Variants in ZNF454 observed in about 807,000 individuals in gnomAD.
ZNF454 encodes zinc finger protein 454.
A neutral mutation model predicts 48.2 loss-of-function variants in ZNF454; 30 were observed. That is an observed-to-expected ratio of 0.62 (90% CI 0.47 to 0.84). ZNF454 has a LOEUF of 0.84. ZNF454 is among the 40% of genes least tolerant of loss of function. The probability of loss-of-function intolerance (pLI) is 0.00; values close to 1 mark genes in which losing one functional copy is unlikely to be tolerated. For synonymous variants in ZNF454, 204 were observed against 211.4 expected, an observed-to-expected ratio of 0.97 and a Z score of 0.30; for missense variants, 510 against 623.1, an observed-to-expected ratio of 0.82 and a Z score of 1.93.
the ZNF454 span, chr5:178,981,890 C>G: frequency 1.7e-6 from 2 of 1,210,542 alleles, no homozygotes; most frequent in Non-Finnish European, 2.5e-6. The surrounding 1 kb of genome is among the most constrained non-coding windows in gnomAD (Gnocchi z 5.1). Flanking sequence ...TGGGACTCAG[C>G]CCTGCTCTCC....
intron 4 of ZNF454, among the ~76,000 whole-genome samples, chr5:178,952,751 C>T (rs201286090): frequency 6.6e-6 from 1 of 151,326 alleles, no homozygotes; most frequent in Non-Finnish European, 1.5e-5. Context: ...TTACCTTTTT[C>T]TTTTTTTTCT....
the ZNF454 span, chr5:178,981,771 G>C: frequency 6.2e-7 from 1 of 1,613,016 alleles, no homozygotes; most frequent in East Asian, 2.2e-5. The surrounding 1 kb of genome is among the most constrained non-coding windows in gnomAD (Gnocchi z 5.1). Flanking sequence ...GGATGACGTA[G>C]GTTTTGGGTA....
the ZNF454 span, chr5:178,983,664 C>A: frequency 2.8e-6 from 1 of 359,444 alleles, no homozygotes; most frequent in South Asian, 2.1e-5. Flanking sequence ...AAAATCAGGG[C>A]ACGCCACAGG....
Position 178,946,790 on chromosome 5 carries a change from C to A in ZNF454, c.161-107C>A. On this transcript the variant is annotated intron_variant, in intron 3 of 4. Transcript: ENST00000519564. This position sits in a 1 kb window ranked among gnomAD's most constrained non-coding sequence, Gnocchi z 4.5. Reference sequence around the variant, plus strand: ...CACACCTGACCCTGGGCTTTCCTATCAAGTCCCATTTCCCAGCAAGCTCTG... The same window carrying A: ...CACACCTGACCCTGGGCTTTCCTATAAAGTCCCATTTCCCAGCAAGCTCTG... 1 of 1,052,396 alleles carries A rather than the reference C, an allele frequency of 9.5e-7. No homozygotes were observed. Among genetic ancestry groups the A allele is most frequent in the South Asian group, 1.5e-5 (1 of 67,632 alleles). 65.2% of individuals were successfully genotyped at this position (1,052,396 alleles called of 1,614,324 possible).
chr5:178,941,293 G>T lies in ZNF454; in HGVS notation c.-259G>T, dbSNP rs1021478770. 9.3e-6 allele frequency: 4 copies of T among 430,642 alleles called. No homozygotes were observed. 26.7% of individuals were successfully genotyped at this position (430,642 alleles called of 1,614,324 possible). On this transcript the variant is annotated 5_prime_UTR_variant, in exon 1 of 5. Coordinates refer to ENST00000519564, the MANE Select transcript of ZNF454 (RefSeq NM_001178089.3). This position sits in a 1 kb window ranked among gnomAD's most constrained non-coding sequence, Gnocchi z 5.5. The stretch of plus-strand genomic sequence containing the variant: ...GCAGAGGCTCCTCGAAGAGCGACAC[G>T]GGGCTGACCAGGCACGGTGGTCAAA...
At position 178,965,819 on chromosome 5, in the gene ZNF454, T is replaced by C. The variant is rs1029367930; in HGVS notation, c.1415T>C (p.Ile472Thr). The change falls in exon 5 of 5, where the codon ATC becomes ACC. Residue 472 changes from isoleucine (I) to threonine (T), a missense_variant. Physicochemically the swap from Ile to Thr is moderately conservative, Grantham distance 89. Around this residue, in one of 3 missense-constraint regions of ZNF454, gnomAD observed 153 missense variants for 195.8 expected, o/e 0.78. Coordinates refer to ENST00000519564, the MANE Select transcript of ZNF454 (RefSeq NM_001178089.3). The surrounding 1 kb of genome is among the most constrained non-coding windows in gnomAD (Gnocchi z 5.2). ...AGGGAAAAACCTTACAAATGTAAAATCTGTGAGAAAGCCTTTATCCGAAGC... is the reference window on the plus strand; with the variant it reads ...AGGGAAAAACCTTACAAATGTAAAACCTGTGAGAAAGCCTTTATCCGAAGC... ...HTREKPYKCK[I>T]CEKAFIRSTH... 3 of 1,613,638 alleles carry C rather than the reference T, an allele frequency of 1.9e-6. No homozygotes were observed. The highest frequency in any genetic ancestry group is 2.5e-6 in the Non-Finnish European group (3 of 1,179,972).
the ZNF454 span, chr5:178,978,347 A>G: frequency 6.6e-6 from 1 of 152,368 alleles, no homozygotes; most frequent in Non-Finnish European, 1.5e-5. Flanking sequence ...AGTTAAATTT[A>G]TTGAACAGGA....
chr5:178,942,193 C>G (rs2113161784), intron 1 of ZNF454, among the ~76,000 whole-genome samples: 1 of 152,316 alleles, frequency 6.6e-6, no homozygotes, highest in African/African-American at 2.4e-5. Context: ...CACCTGAGGT[C>G]CGGAGTTCGA....
the ZNF454 span, chr5:178,989,032 G>A: frequency 1.2e-6 from 2 of 1,614,030 alleles, no homozygotes; most frequent in South Asian, 1.1e-5. Flanking sequence ...AGAGCGCCTG[G>A]TGCATGCTGT....
rs1320797787 is a variant in ZNF454, at chr5:178,944,050, A to G, written c.33+1226A>G. ...TCAAAAATAAAAAATAAAAAAGAAT[A>G]TGGACTGTGCTTTGAAGGAGACAGC... is the stretch of plus-strand genomic sequence containing the variant. On this transcript the variant is annotated intron_variant, in intron 2 of 4. Transcript: ENST00000519564. This position sits in a 1 kb window ranked among gnomAD's most constrained non-coding sequence, Gnocchi z 4.1. 6.6e-6 allele frequency among the ~76,000 whole-genome samples: 1 copy of G among 152,158 alleles called. No individual in the cohort carries two copies. Among genetic ancestry groups the G allele is most frequent in the East Asian group, 1.9e-4 (1 of 5,184 alleles).
intron 4 of ZNF454, among the ~76,000 whole-genome samples, chr5:178,963,382 C>T (rs776730133): frequency 1.3e-5 from 2 of 151,790 alleles, no homozygotes; most frequent in Non-Finnish European, 2.9e-5. Context: ...ATTCTGAGCT[C>T]AACAGGATTT....
the ZNF454 span, chr5:178,985,310 C>T: frequency 4.4e-6 from 2 of 454,954 alleles, no homozygotes; most frequent in African/African-American, 2.0e-5. Flanking sequence ...CCCCACCTGA[C>T]TGCCCCGTTT....
At chr5:178,985,351 G>T in the ZNF454 span, 7 of 429,142 alleles carry the variant, frequency 1.6e-5, no homozygotes, top group African/African-American at 1.4e-4. Context: ...GGAGATGGCG[G>T]CCCTAACTGA....
intron 4 of ZNF454, among the ~76,000 whole-genome samples, chr5:178,952,248 G>A (rs1001578092): frequency 1.3e-5 from 2 of 151,910 alleles, no homozygotes; most frequent in Non-Finnish European, 2.9e-5. Flanking sequence ...CGTTTTAGCC[G>A]GGATGGTCTC....
At chr5:178,957,425 T>G (rs1759818631) in intron 4 of ZNF454, among the ~76,000 whole-genome samples, 1 of 152,038 alleles carries the variant, frequency 6.6e-6, no homozygotes, top group African/African-American at 2.4e-5. Flanking sequence ...TTTATTTTTT[T>G]TGGGGACGAA....
At chr5:178,953,558 G>A (rs144895032) in intron 4 of ZNF454, among the ~76,000 whole-genome samples, 2 of 152,052 alleles carry the variant, frequency 1.3e-5, no homozygotes, top group East Asian at 1.9e-4. Context: ...GTCTTCTTTC[G>A]TGGTTTGCTC....
intron 4 of ZNF454, among the ~76,000 whole-genome samples, chr5:178,949,144 G>A (rs1434093936): frequency 1.8e-4 from 27 of 152,038 alleles, no homozygotes; most frequent in Admixed American, 1.8e-3. Flanking sequence ...CCGTTCTCCC[G>A]AGTTCAAGCG....
the ZNF454 span, chr5:178,987,553 A>C: frequency 2.3e-6 from 1 of 426,518 alleles, no homozygotes; most frequent in Non-Finnish European, 4.7e-6. Flanking sequence ...GAAACAAGCC[A>C]GTCACACATG....
At chr5:178,986,432 C>A in the ZNF454 span, 1 of 1,613,414 alleles carries the variant, frequency 6.2e-7, no homozygotes, top group South Asian at 1.1e-5. Context: ...TTGTACCGCA[C>A]GAAGGTGGCC....
Sources: allele counts gnomAD v4.1 joint callset (sites outside exome capture counted in the v4.1 genomes callset), GRCh38; gene constraint gnomAD v4.1.1; regional missense constraint gnomAD v4.1.1; non-coding constraint Gnocchi (gnomAD v3.1); transcripts MANE v1.5; gene names NCBI Gene and HGNC (gene_info 2026-07-23, HGNC 2026-07-21).